Variants in CHD4 observed in about 807,000 individuals in gnomAD.
CHD4 encodes the protein chromodomain helicase DNA binding protein 4.
Under a neutral mutation model 235.5 loss-of-function variants are expected in CHD4, and 35 were observed. The observed-to-expected ratio is 0.15, with a 90% confidence interval of 0.11 to 0.20. The LOEUF is 0.20. CHD4 is among the 10% of genes least tolerant of loss of function. The pLI is 1.00. For missense variants in CHD4, 1,329 were observed against 2,432.3 expected, an observed-to-expected ratio of 0.55 and a Z score of 9.54; for synonymous variants, 900 against 850.2, an observed-to-expected ratio of 1.06 and a Z score of -1.02.
At chr12:6,601,143 A>C in intron 6 of CHD4, 90 bp from the exon 7 acceptor site, 1 of 1,524,370 alleles carries the variant, frequency 6.6e-7, no homozygotes, top group Non-Finnish European at 8.8e-7. Flanking sequence ...CCCCACATTC[A>C]GATTCCCAAA....
chr12:6,585,767 C>T (rs576723445), intron 25 of CHD4, among the ~76,000 whole-genome samples: 95 of 144,518 alleles, frequency 6.6e-4, no homozygotes, highest in African/African-American at 2.2e-3. Context: ...CCAGCCTGGG[C>T]GGGAAAGCAA....
chr12:6,600,864 G>A lies in CHD4; in HGVS notation c.927+62C>T. On this transcript the variant is annotated intron_variant, in intron 7 of 39. Coordinates refer to ENST00000544040, the MANE Select transcript of CHD4 (RefSeq NM_001273.5). ...CTACTATGAAGGACAGGTTCTGATA[G>A]AAGGTCACATCCTTTCTATTAGACA... 3.3e-6 allele frequency: 5 copies of A among 1,527,998 alleles called. No homozygotes were observed. The East Asian group carries it at 6.8e-5, about 21-fold the overall frequency. 94.7% of individuals were successfully genotyped at this position (1,527,998 alleles called of 1,614,324 possible). A position where few individuals can be genotyped will look rare whatever the true frequency, so the allele number is the denominator to read the frequency against.
intron 37 of CHD4, among the ~76,000 whole-genome samples, chr12:6,576,977 C>T (rs1347320716): frequency 6.6e-6 from 1 of 151,654 alleles, no homozygotes; most frequent in East Asian, 1.9e-4. Flanking sequence ...CACTCTGTTG[C>T]ACAGGCTGGA....
chr12:6,588,509 G>A (rs1341845057), intron 22 of CHD4, 87 bp from the exon 23 acceptor site: 2 of 1,464,340 alleles, frequency 1.4e-6, no homozygotes, highest in Non-Finnish European at 1.9e-6. Flanking sequence ...CGGGGGCAGT[G>A]GCTCATGCCT....
intron 2 of CHD4, among the ~76,000 whole-genome samples, chr12:6,605,640 C>T (rs973877609): frequency 2.1e-4 from 32 of 152,244 alleles, no homozygotes; most frequent in African/African-American, 7.5e-4. Context: ...CTTCTTTTGC[C>T]CCTCTTCACT....
rs1221561771 is a variant in CHD4 at position 6,591,518 on chromosome 12, G to A, written c.3288C>T (p.Ile1096=). 8 of 1,614,070 alleles carry A rather than the reference G, an allele frequency of 5.0e-6. No homozygotes were observed. The highest frequency in any genetic ancestry group is 2.2e-5 in the East Asian group (1 of 44,904). ...LEHEGYKYER[I]DGGITGNMRQ... ...GCATGTTCCCAGTGATTCCACCATC[G>A]ATGCGTTCGTATTTATAACCTTCAT... The change falls in exon 22 of 40, where the codon ATC becomes ATT. Residue 1096 remains isoleucine, a synonymous_variant. Transcript: ENST00000544040.
At chr12:6,582,537 A>G (rs2136202918) in intron 29 of CHD4, 78 bp downstream of exon 29, 4 of 1,521,368 alleles carry the variant, frequency 2.6e-6, no homozygotes, top group Non-Finnish European at 2.6e-6. Context: ...CTGCACGGCT[A>G]GGCCTAGAAC....
intron 2 of CHD4, among the ~76,000 whole-genome samples, chr12:6,604,904 G>T (rs912114578): frequency 1.3e-5 from 2 of 152,126 alleles, no homozygotes; most frequent in African/African-American, 4.8e-5. Context: ...AGAATGTTTA[G>T]GCAGCACTAC....
chr12:6,588,429 A>G lies in CHD4; in HGVS notation c.3341-7T>C. ...AACTGCTGAGCACCCGGTGCTAATA[A>G]AAGAACCAAAAACACCATTAGAAGT... is the stretch of plus-strand genomic sequence containing the variant. On this transcript the variant is annotated splice_region_variant and splice_polypyrimidine_tract_variant and intron_variant, in intron 22 of 39. Transcript: ENST00000544040. 4.3e-6 allele frequency: 7 copies of G among 1,612,190 alleles called. No homozygotes were observed. Among genetic ancestry groups the G allele is most frequent in the South Asian group, 1.1e-5 (1 of 90,916 alleles).
At chr12:6,588,934 G>C (rs1056674256) in intron 22 of CHD4, among the ~76,000 whole-genome samples, 2 of 152,066 alleles carry the variant, frequency 1.3e-5, no homozygotes, top group East Asian at 1.9e-4. Flanking sequence ...AACAGAGCAA[G>C]ACCCTAACTC....
intron 2 of CHD4, among the ~76,000 whole-genome samples, chr12:6,605,571 G>A (rs1237645500): frequency 6.6e-6 from 1 of 152,150 alleles, no homozygotes; most frequent in African/African-American, 2.4e-5. Flanking sequence ...CATAGAGACA[G>A]AAGCCACTAG....
intron 27 of CHD4, 33 bp downstream of exon 27, chr12:6,582,994 T>G (rs764130358): frequency 6.3e-7 from 1 of 1,591,554 alleles, no homozygotes; most frequent in Non-Finnish European, 8.5e-7. Context: ...AAAGCAACAT[T>G]TAGAAAAGCA....
In CHD4 at chr12:6,595,558, C is replaced by T. The variant is rs200301256; in HGVS notation, c.2025-128G>A. On this transcript the variant is annotated intron_variant, in intron 13 of 39. Transcript: ENST00000544040. The stretch of plus-strand genomic sequence containing the variant: ...AGGCCAGCACTTTGGGAGGCTGAGA[C>T]GGGCGGATCACCTGAGGTCAGGAGA... 2.7e-5 allele frequency: 19 copies of T among 699,118 alleles called. No individual in the cohort carries two copies. The East Asian group carries it at 3.2e-4, about 12-fold the overall frequency. The allele number at this position is 699,118 out of a possible 1,614,324, so 43.3% of individuals were successfully genotyped here.
At chr12:6,578,285 A>G (rs1204548044) in intron 35 of CHD4, 124 bp downstream of exon 35, 1 of 1,388,398 alleles carries the variant, frequency 7.2e-7, no homozygotes, top group African/African-American at 1.4e-5. Context: ...AGAACCCACT[A>G]TCAGTTTGGC....
intron 25 of CHD4, among the ~76,000 whole-genome samples, chr12:6,585,086 CCAATG>C (rs1156307733): frequency 6.6e-6 from 1 of 152,132 alleles, no homozygotes. Context: ...ACCACCAGAA[CCAATG>C]CCAACTGAAA....
intron 27 of CHD4, 42 bp from the exon 28 acceptor site, chr12:6,582,978 T>C: frequency 6.2e-7 from 1 of 1,601,944 alleles, no homozygotes; most frequent in Non-Finnish European, 8.5e-7. Flanking sequence ...AGGTAGGATA[T>C]TAAACAAAGC....
intron 12 of CHD4, 33 bp from the exon 13 acceptor site, chr12:6,596,170 A>G (rs751256918): frequency 1.2e-6 from 2 of 1,609,534 alleles, no homozygotes; most frequent in South Asian, 2.2e-5. Flanking sequence ...CCTCAGAGCC[A>G]GAAAAGGCAA....
In CHD4 at chr12:6,604,201, G is replaced by A. The variant is rs144943071; in HGVS notation, c.101-1704C>T. On this transcript the variant is annotated intron_variant, in intron 2 of 39. Transcript: ENST00000544040. ...GAGGCAGGAGAATCGCTTGAGCCCG[G>A]GAGGCGGAGGTTGCAGTGAGCCAAG... 9.9e-3 allele frequency among the ~76,000 whole-genome samples: 1,511 copies of A among 152,278 alleles called. 12 individuals are homozygous for A. The highest frequency in any genetic ancestry group is 0.013 in the Non-Finnish European group (899 of 68,024).
In CHD4 at chr12:6,600,911, G is replaced by A. The variant is rs371021197; in HGVS notation, c.927+15C>T. ...GACATGGCACCCTCCCTAAAGCGAT[G>A]GGCTGGGCTCTCACCGAGGATCTCT... is the stretch of plus-strand genomic sequence containing the variant. On this transcript the variant is annotated intron_variant, in intron 7 of 39. Coordinates refer to ENST00000544040, the MANE Select transcript of CHD4 (RefSeq NM_001273.5). 17 of 1,565,434 alleles carry A rather than the reference G, an allele frequency of 1.1e-5. No individual in the cohort carries two copies. In the African/African-American group the frequency reaches 1.9e-4, roughly 18 times the overall value.
Sources: gnomAD v4.1 joint callset for allele counts (sites outside exome capture counted in the v4.1 genomes callset) on GRCh38, gnomAD v4.1.1 for gene constraint, MANE v1.5 for transcripts, NCBI Gene and HGNC (gene_info 2026-07-23, HGNC 2026-07-21) for gene names.